The following PRKRA variants were observed in gnomAD, a reference collection of about 807,000 sequenced individuals.
PRKRA encodes protein activator of interferon induced protein kinase EIF2AK2, also known as interferon-inducible double-stranded RNA-dependent protein kinase activator A.
Under a neutral mutation model 32.4 loss-of-function variants are expected in PRKRA, and 22 were observed. The observed-to-expected ratio is 0.68, with a 90% CI of 0.49 to 0.97. The LOEUF is 0.97. Ranked by LOEUF, PRKRA falls within the 50% of genes least tolerant of loss-of-function variation. PRKRA has a pLI of 0.00. For synonymous variants in PRKRA, 139 were observed against 129.8 expected, an observed-to-expected ratio of 1.07 and a Z score of -0.48; for missense variants, 319 against 375.6, an observed-to-expected ratio of 0.85 and a Z score of 1.25.
chr2:178,449,302 C>G (rs1457950637), intron 2 of PRKRA, among the ~76,000 whole-genome samples: 1 of 152,194 alleles, frequency 6.6e-6, no homozygotes, highest in Non-Finnish European at 1.5e-5. Flanking sequence ...CACCTACAAT[C>G]TAACTGCCTC....
rs577265737 is a variant in PRKRA at position 178,447,440 on chromosome 2, A to G, written c.317+65T>C. ...CTTTGTTGCTTTTGTAAGCATGTTC[A>G]AATTTTTAATCTTACCTCAGCCATG... On this transcript the variant is annotated intron_variant, in intron 3 of 7. Coordinates refer to ENST00000325748, the MANE Select transcript of PRKRA (RefSeq NM_003690.5). 3.3e-5 allele frequency: 44 copies of G among 1,321,982 alleles called. 1 individual carries two copies. The South Asian group carries it at 5.8e-4, about 17-fold the overall frequency. The allele number at this position is 1,321,982 out of a possible 1,614,324, so 81.9% of individuals were successfully genotyped here. A position where few individuals can be genotyped will look rare whatever the true frequency, so the allele number is the denominator to read the frequency against.
intron 2 of PRKRA, among the ~76,000 whole-genome samples, chr2:178,449,330 C>A (rs758961753): frequency 1.3e-5 from 2 of 152,216 alleles, no homozygotes; most frequent in Non-Finnish European, 2.9e-5. Context: ...AAGTTTTAAA[C>A]TTTTCTTAAA....
intron 6 of PRKRA, among the ~76,000 whole-genome samples, chr2:178,441,287 CTAAG>C (rs1252199643): frequency 6.8e-6 from 1 of 146,074 alleles, no homozygotes; most frequent in Non-Finnish European, 1.5e-5. Context: ...TAAATGTTTG[CTAAG>C]TGAATGAATG....
chr2:178,451,079 C>G lies in PRKRA; in HGVS notation c.-49G>C. The G allele has an allele frequency of 6.5e-7, 1 of 1,531,162 alleles. No homozygotes were observed. Among genetic ancestry groups the G allele is most frequent in the Non-Finnish European group, 8.8e-7 (1 of 1,142,058 alleles). The allele number at this position is 1,531,162 out of a possible 1,614,324, so 94.8% of individuals were successfully genotyped here. A position where few individuals can be genotyped will look rare whatever the true frequency, so the allele number is the denominator to read the frequency against. The stretch of plus-strand genomic sequence containing the variant: ...CTGGAGGAAGAGCGGTGCGGAGCGA[C>G]GTGCTCGCTCCCCGGGTCGCTGGTC... On this transcript the variant is annotated 5_prime_UTR_variant, in exon 1 of 8. Transcript: ENST00000325748.
Position 178,431,873 on chromosome 2 carries a change from C to A in PRKRA, c.*224G>T. 1 of 597,560 alleles carries A rather than the reference C, an allele frequency of 1.7e-6. No individual in the cohort carries two copies. Among genetic ancestry groups the A allele is most frequent in the Non-Finnish European group, 2.9e-6 (1 of 344,352 alleles). The allele number at this position is 597,560 out of a possible 1,614,324, so 37.0% of individuals were successfully genotyped here. A position where few individuals can be genotyped will look rare whatever the true frequency, so the allele number is the denominator to read the frequency against. On this transcript the variant is annotated 3_prime_UTR_variant, in exon 8 of 8. Transcript: ENST00000325748. ...CTGTAAAATGGGTGCTACACTCTCT[C>A]TTGTGGTACAAAGTTTATAAATACA...
intron 7 of PRKRA, among the ~76,000 whole-genome samples, chr2:178,435,807 T>C (rs983901086): frequency 3.3e-5 from 5 of 152,192 alleles, no homozygotes; most frequent in African/African-American, 1.2e-4. Context: ...TTCCTTTACT[T>C]ATAAATAAGG....
intron 7 of PRKRA, chr2:178,433,723 AGCGATGCTCAT>A (rs1278030727): frequency 1.3e-5 from 2 of 152,258 alleles, no homozygotes; most frequent in Non-Finnish European, 2.9e-5. Flanking sequence ...CCTGGGTTCC[AGCGATGCTCAT>A]GCCTCAGTCT....
In PRKRA at chr2:178,449,759, C is replaced by A. The variant is rs183856624; in HGVS notation, c.235+483G>T. Among the ~76,000 whole-genome samples, 342 of 152,346 alleles carry A rather than the reference C, an allele frequency of 2.2e-3. 2 individuals carry two copies. Among genetic ancestry groups the A allele is most frequent in the Middle Eastern group, 0.01 (3 of 294 alleles). ...TATATGAGGACCTTCTCCCCTTCCT[C>A]ATTTTGTTTGGATACAGAATCAAAA... On this transcript the variant is annotated intron_variant, in intron 2 of 7. Coordinates refer to ENST00000325748, the MANE Select transcript of PRKRA (RefSeq NM_003690.5).
chr2:178,448,874 G>A lies in PRKRA; in HGVS notation c.236-1288C>T, dbSNP rs934876101. Among the ~76,000 whole-genome samples, 6 of 152,330 alleles carry A rather than the reference G, an allele frequency of 3.9e-5. No individual in the cohort carries two copies. In the East Asian group the frequency reaches 1.2e-3, roughly 29 times the overall value. On this transcript the variant is annotated intron_variant, in intron 2 of 7. Transcript: ENST00000325748. ...CATTTCTACTGAACTAGGTGATTGT[G>A]GAGCCTTTACATAGAAAGGGAATGC...
chr2:178,432,432 C>T lies in PRKRA; in HGVS notation c.785-178G>A, dbSNP rs1696701407. ...AAAAACCACAACTGCTCAGCTGTAG[C>T]AGTTTTCAAACACATTACACTTCAT... On this transcript the variant is annotated intron_variant, in intron 7 of 7. Transcript: ENST00000325748. The T allele has an allele frequency of 5.3e-6, 4 of 751,640 alleles. No individual in the cohort carries two copies. The East Asian group carries it at 1.1e-4, about 20-fold the overall frequency. The allele number at this position is 751,640 out of a possible 1,614,324, so 46.6% of individuals were successfully genotyped here. A position where few individuals can be genotyped will look rare whatever the true frequency, so the allele number is the denominator to read the frequency against.
intron 4 of PRKRA, 121 bp downstream of exon 4, chr2:178,444,300 TA>T: frequency 1.2e-6 from 1 of 842,262 alleles, no homozygotes; most frequent in Non-Finnish European, 1.9e-6. Context: ...CTAATGATCG[TA>T]AGTTGGAAAA....
intron 2 of PRKRA, among the ~76,000 whole-genome samples, chr2:178,449,009 CTA>C (rs1252554511): frequency 3.9e-5 from 6 of 152,200 alleles, no homozygotes; most frequent in Non-Finnish European, 7.3e-5. Context: ...GACTGATACA[CTA>C]TTCTGTAACT....
chr2:178,441,808 T>C, intron 5 of PRKRA, 104 bp from the exon 6 acceptor site: 1 of 715,748 alleles, frequency 1.4e-6, no homozygotes, highest in South Asian at 1.7e-5. Context: ...CCTCACGGTT[T>C]TTATTATATA....
intron 3 of PRKRA, among the ~76,000 whole-genome samples, chr2:178,445,210 A>C (rs961555211): frequency 8.5e-5 from 13 of 152,314 alleles, no homozygotes; most frequent in African/African-American, 2.2e-4. Flanking sequence ...AAAAGAGAAC[A>C]ACCTCTTCTA....
At chr2:178,443,594 G>A in intron 4 of PRKRA, 1 of 478,532 alleles carries the variant, frequency 2.1e-6, no homozygotes, top group Non-Finnish European at 3.8e-6. Flanking sequence ...AAGCAGTTTT[G>A]TGCTACGAAT....
chr2:178,447,340 T>C, intron 3 of PRKRA, 165 bp downstream of exon 3: 6 of 1,255,508 alleles, frequency 4.8e-6, no homozygotes, highest in Non-Finnish European at 6.5e-6. Context: ...TTTGATTGGA[T>C]AAAGTTTTCT....
At chr2:178,433,963 T>A (rs1696776000) in intron 7 of PRKRA, 1 of 152,212 alleles carries the variant, frequency 6.6e-6, no homozygotes, top group Non-Finnish European at 1.5e-5. Flanking sequence ...ATCTAAAAAT[T>A]TATCTTGGGT....
At chr2:178,435,754 C>T (rs1171710664) in intron 7 of PRKRA, among the ~76,000 whole-genome samples, 8 of 152,180 alleles carry the variant, frequency 5.3e-5, no homozygotes, top group African/African-American at 1.2e-4. Flanking sequence ...CGCTGACTAG[C>T]TATGTGATCT....
intron 1 of PRKRA, 69 bp downstream of exon 1, chr2:178,450,897 G>T (rs970253480): frequency 8.1e-7 from 1 of 1,231,220 alleles, no homozygotes; most frequent in Non-Finnish European, 1.0e-6. Context: ...CTGGAGGGCC[G>T]GCTCCCCGCG....
Sources: gnomAD v4.1 joint callset for allele counts (sites outside exome capture counted in the v4.1 genomes callset) on GRCh38, gnomAD v4.1.1 for gene constraint, MANE v1.5 for transcripts, NCBI Gene and HGNC (gene_info 2026-07-23, HGNC 2026-07-21) for gene names.